Variants in EIF2B2 observed in about 807,000 individuals in gnomAD.
The protein encoded by EIF2B2 is eukaryotic translation initiation factor 2B subunit beta, also known as translation initiation factor eIF2B subunit beta.
A neutral mutation model predicts 34.7 loss-of-function variants in EIF2B2; 34 were observed. The observed-to-expected ratio is 0.98, with a 90% CI of 0.75 to 1.31. The LOEUF (loss-of-function observed/expected upper bound fraction) is 1.31. Among genes scored for constraint, EIF2B2 ranks in the 50% most tolerant of loss-of-function variants. EIF2B2 has a pLI of 0.00. For missense variants in EIF2B2, 361 were observed against 447.7 expected (o/e 0.81, Z 1.75); for synonymous variants, 155 against 171.6 (o/e 0.90, Z 0.76).
chr14:75,008,212 C>A (rs887637287), intron 7 of EIF2B2: 2 of 245,962 alleles, frequency 8.1e-6, no homozygotes, highest in African/African-American at 4.6e-5. Flanking sequence ...CCTGGATAGT[C>A]TCATGTCTTG....
chr14:75,009,488 G>A lies in EIF2B2; in HGVS notation c.*300G>A, dbSNP rs1889675395. 4.9e-6 allele frequency: 2 copies of A among 412,242 alleles called. No homozygotes were observed. The highest frequency in any genetic ancestry group is 4.3e-5 in the South Asian group (2 of 46,552). The allele number at this position is 412,242 out of a possible 1,614,324, so 25.5% of individuals were successfully genotyped here. A position where few individuals can be genotyped will look rare whatever the true frequency, so the allele number is the denominator to read the frequency against. ...CTTAAACTTTCTGGTTCAGTAGTGT[G>A]TTAAACATAACACTGAATACCTTAC... On this transcript the variant is annotated 3_prime_UTR_variant, in exon 8 of 8. Coordinates refer to ENST00000266126, the MANE Select transcript of EIF2B2 (RefSeq NM_014239.4).
rs976260927 is a variant in EIF2B2, at chr14:75,003,148, A to G, written c.158A>G (p.Asn53Ser). 2.5e-6 allele frequency: 4 copies of G among 1,613,188 alleles called. No homozygotes were observed. Among genetic ancestry groups the G allele is most frequent in the Non-Finnish European group, 1.7e-6 (2 of 1,179,924 alleles). The change falls in exon 1 of 8, where the codon AAC becomes AGC. Residue 53 changes from asparagine (N) to serine (S), a missense_variant. Asn to Ser is a conservative substitution (Grantham distance 46). Transcript: ENST00000266126. ...ATCATCACGGACCACCGCTGGAGCA[A>G]CGCGGGTGAGGCCGGCCTGCCTCCG... Reference protein sequence around the residue: ...RQIITDHRWSNAGELMELIRR... With the variant: ...RQIITDHRWSSAGELMELIRR...
intron 3 of EIF2B2, among the ~76,000 whole-genome samples, chr14:75,003,946 C>G (rs1008154051): frequency 2.4e-4 from 36 of 152,300 alleles, no homozygotes; most frequent in African/African-American, 8.4e-4. Context: ...TCTATTAGGA[C>G]AGAGTTTTAT....
In EIF2B2 at chr14:75,011,996, A is replaced by C. The variant is rs1443884114; in HGVS notation, c.*2808A>C. The stretch of plus-strand genomic sequence containing the variant: ...GAAGCTCTCTTTCTGGTCAGCTCTT[A>C]CAGTGCCTAGAACAGAACTGCAGGA... On this transcript the variant is annotated 3_prime_UTR_variant, in exon 8 of 8. Transcript: ENST00000266126. The C allele has an allele frequency of 6.6e-6, 1 of 152,256 alleles. No homozygotes were observed. The highest frequency in any genetic ancestry group is 1.9e-4 in the East Asian group (1 of 5,204). 9.4% of individuals were successfully genotyped at this position (152,256 alleles called of 1,614,324 possible).
rs1281936730 is a variant in EIF2B2, at chr14:75,006,820, C to A, written c.831+106C>A. 2 of 1,479,722 alleles carry A rather than the reference C, an allele frequency of 1.4e-6. No individual in the cohort carries two copies. The highest frequency in any genetic ancestry group is 1.9e-6 in the Non-Finnish European group (2 of 1,068,128). The allele number at this position is 1,479,722 out of a possible 1,614,324, so 91.7% of individuals were successfully genotyped here. ...ACCTCACTCCAGGGCCTCCATTTAT[C>A]TGCATTTACTCAATGGATTACACCC... On this transcript the variant is annotated intron_variant, in intron 6 of 7. Transcript: ENST00000266126. The surrounding 1 kb of genome is among the most constrained non-coding windows in gnomAD (Gnocchi z 4.1).
rs753454455 is a variant in EIF2B2, at chr14:75,004,787, A to G, written c.484A>G (p.Asn162Asp). 27 of 1,603,644 alleles carry G rather than the reference A, an allele frequency of 1.7e-5. No homozygotes were observed. The highest frequency in any genetic ancestry group is 2.2e-5 in the Non-Finnish European group (26 of 1,178,186). Residue 162 changes from asparagine (N) to aspartate (D), a missense_variant, in exon 4 of 8, where the codon AAT becomes GAT. By Grantham distance (23) the Asn-to-Asp change is conservative. Transcript: ENST00000266126. ...CCAGGCTCTGGAGCACATTCACTCC[A>G]ATGAGGTGATCATGACCATTGGCTT... ...AAQALEHIHSNEVIMTIGFSR... is the reference protein window; with the variant it reads ...AAQALEHIHSDEVIMTIGFSR...
In EIF2B2 at chr14:75,003,086, G is replaced by A. The variant is rs146228503; in HGVS notation, c.96G>A (p.Glu32=). ...LKRGGGPRSS[E]EMARETLGLL... ...GGGGTGGTGGGCCGCGCAGCTCCGA[G>A]GAAATGGCTCGGGAGACCCTAGGGT... Residue 32 remains glutamate (E), a synonymous_variant, in exon 1 of 8, where the codon GAG becomes GAA. Coordinates refer to ENST00000266126, the MANE Select transcript of EIF2B2 (RefSeq NM_014239.4). 82 of 1,613,938 alleles carry A rather than the reference G, an allele frequency of 5.1e-5. No homozygotes were observed. The highest frequency in any genetic ancestry group is 1.3e-5 in the African/African-American group (1 of 74,918).
rs1232642511 is a variant in EIF2B2 at position 75,009,690 on chromosome 14, A to G, written c.*502A>G. 2 of 207,988 alleles carry G rather than the reference A, an allele frequency of 9.6e-6. No homozygotes were observed. Among genetic ancestry groups the G allele is most frequent in the East Asian group, 1.2e-4 (1 of 8,558 alleles). The allele number at this position is 207,988 out of a possible 1,614,324, so 12.9% of individuals were successfully genotyped here. ...CATAGAGGGCTGTAGTTAGCGGGAA[A>G]AGTGTACAACATGGTAGTACTGGCC... On this transcript the variant is annotated 3_prime_UTR_variant, in exon 8 of 8. Transcript: ENST00000266126.
In EIF2B2 at chr14:75,003,141, T is replaced by C. The variant is rs777041434; in HGVS notation, c.151T>C (p.Trp51Arg). Residue 51 changes from tryptophan (W) to arginine (R), a missense_variant, in exon 1 of 8, where the codon TGG becomes CGG. Trp to Arg is a moderately radical substitution (Grantham distance 101). Transcript: ENST00000266126. ...LLRQIITDHR[W>R]SNAGELMELI... ...GCGCCAGATCATCACGGACCACCGC[T>C]GGAGCAACGCGGGTGAGGCCGGCCT... is the stretch of plus-strand genomic sequence containing the variant. 3 of 1,613,346 alleles carry C rather than the reference T, an allele frequency of 1.9e-6. No individual in the cohort carries two copies. The African/African-American group carries it at 4.0e-5, about 22-fold the overall frequency.
In EIF2B2 at chr14:75,003,271, G is replaced by A. The variant is rs1299120024; in HGVS notation, c.164-4G>A. ...CCTCTTATCCTCTCTCTTTTGGACT[G>A]TAGGGGAGCTGATGGAGCTGATCCG... On this transcript the variant is annotated splice_polypyrimidine_tract_variant and splice_region_variant and intron_variant, in intron 1 of 7. Transcript: ENST00000266126. 3.7e-6 allele frequency: 6 copies of A among 1,613,696 alleles called. No individual in the cohort carries two copies. The highest frequency in any genetic ancestry group is 5.1e-6 in the Non-Finnish European group (6 of 1,180,000).
chr14:75,007,991 T>C (rs1014506794), intron 7 of EIF2B2, among the ~76,000 whole-genome samples: 12 of 152,234 alleles, frequency 7.9e-5, no homozygotes, highest in Admixed American at 6.5e-4. Context: ...GTTAATTTGT[T>C]CTGAGACAAA....
chr14:75,006,388 AT>A lies in EIF2B2; in HGVS notation c.694-187del, dbSNP rs1328607276. 1.2e-5 allele frequency: 9 copies of A among 780,542 alleles called. No homozygotes were observed. The highest frequency in any genetic ancestry group is 1.1e-4 in the Admixed American group (4 of 36,812). 48.4% of individuals were successfully genotyped at this position (780,542 alleles called of 1,614,324 possible). Reference sequence around the variant, plus strand: ...TTTGCAGTTTCTTGTCCCATTTTACATTCATTCTTTCCTTGGAAACCTACTT... The same window carrying A: ...TTTGCAGTTTCTTGTCCCATTTTACATCATTCTTTCCTTGGAAACCTACTT... On this transcript the variant is annotated intron_variant, in intron 5 of 7. Coordinates refer to ENST00000266126, the MANE Select transcript of EIF2B2 (RefSeq NM_014239.4). This position sits in a 1 kb window ranked among gnomAD's most constrained non-coding sequence, Gnocchi z 4.1.
rs377356154 is a variant in EIF2B2 at position 75,003,161 on chromosome 14, C to T, written c.163+8C>T. 6 of 1,613,176 alleles carry T rather than the reference C, an allele frequency of 3.7e-6. No homozygotes were observed. The African/African-American group carries it at 8.0e-5, about 22-fold the overall frequency. On this transcript the variant is annotated splice_region_variant and intron_variant, in intron 1 of 7. Coordinates refer to ENST00000266126, the MANE Select transcript of EIF2B2 (RefSeq NM_014239.4). The stretch of plus-strand genomic sequence containing the variant: ...ACCGCTGGAGCAACGCGGGTGAGGC[C>T]GGCCTGCCTCCGCCGGCGAACCTGG...
rs1889622207 is a variant in EIF2B2, at chr14:75,006,030, C to T, written c.693+69C>T. The T allele has an allele frequency of 8.1e-7, 1 of 1,238,658 alleles. No individual in the cohort carries two copies. Among genetic ancestry groups the T allele is most frequent in the East Asian group, 2.4e-5 (1 of 42,368 alleles). The allele number at this position is 1,238,658 out of a possible 1,614,324, so 76.7% of individuals were successfully genotyped here. On this transcript the variant is annotated intron_variant, in intron 5 of 7. Coordinates refer to ENST00000266126, the MANE Select transcript of EIF2B2 (RefSeq NM_014239.4). This position sits in a 1 kb window ranked among gnomAD's most constrained non-coding sequence, Gnocchi z 4.1. ...TCTAAAATATTGATTTTTATCTCCT[C>T]CTGTAATATCCACGGTGAGAGAATA...
chr14:75,011,549 C>A lies in EIF2B2; in HGVS notation c.*2361C>A, dbSNP rs936704560. On this transcript the variant is annotated 3_prime_UTR_variant, in exon 8 of 8. Coordinates refer to ENST00000266126, the MANE Select transcript of EIF2B2 (RefSeq NM_014239.4). Reference sequence around the variant, plus strand: ...GGGAAAGGTCTCTATTCTTTGATATCTCTTTGAGAGCGATCTTTGCCTTAG... The same window carrying A: ...GGGAAAGGTCTCTATTCTTTGATATATCTTTGAGAGCGATCTTTGCCTTAG... 2.6e-5 allele frequency: 4 copies of A among 152,182 alleles called. No homozygotes were observed. The highest frequency in any genetic ancestry group is 5.9e-5 in the Non-Finnish European group (4 of 68,040). The allele number at this position is 152,182 out of a possible 1,614,324, so 9.4% of individuals were successfully genotyped here.
chr14:75,008,551 C>T (rs1889660244), intron 7 of EIF2B2: 1 of 261,104 alleles, frequency 3.8e-6, no homozygotes, highest in Admixed American at 4.9e-5. Flanking sequence ...TGCCTGAGGA[C>T]AAGCAAGGCT....
At position 75,003,227 on chromosome 14, in the gene EIF2B2, G is replaced by T. The variant is rs771410713; in HGVS notation, c.164-48G>T. The T allele has an allele frequency of 1.9e-6, 3 of 1,613,286 alleles. No individual in the cohort carries two copies. In the South Asian group the frequency reaches 3.3e-5, roughly 18 times the overall value. On this transcript the variant is annotated intron_variant, in intron 1 of 7. Coordinates refer to ENST00000266126, the MANE Select transcript of EIF2B2 (RefSeq NM_014239.4). ...GATCCCAGGGCTGAAAATTTCCCAG[G>T]CCTCACTTCGCGTTGGCTCCTCTTA...
chr14:75,003,184 T>G, intron 1 of EIF2B2, 31 bp downstream of exon 1: 1 of 1,613,416 alleles, frequency 6.2e-7, no homozygotes, highest in Non-Finnish European at 8.5e-7. Flanking sequence ...CCGGCGAACC[T>G]GGCCCCTGTC....
In EIF2B2 at chr14:75,006,810, C is replaced by T. The variant is rs1304085825; in HGVS notation, c.831+96C>T. 2 of 1,522,000 alleles carry T rather than the reference C, an allele frequency of 1.3e-6. No individual in the cohort carries two copies. The highest frequency in any genetic ancestry group is 2.2e-5 in the East Asian group (1 of 44,448). The allele number at this position is 1,522,000 out of a possible 1,614,324, so 94.3% of individuals were successfully genotyped here. The stretch of plus-strand genomic sequence containing the variant: ...GACTTCAACCACCTCACTCCAGGGC[C>T]TCCATTTATCTGCATTTACTCAATG... On this transcript the variant is annotated intron_variant, in intron 6 of 7. Coordinates refer to ENST00000266126, the MANE Select transcript of EIF2B2 (RefSeq NM_014239.4). The surrounding 1 kb of genome is among the most constrained non-coding windows in gnomAD (Gnocchi z 4.1).
Sources: allele counts gnomAD v4.1 joint callset (sites outside exome capture counted in the v4.1 genomes callset), GRCh38; gene constraint gnomAD v4.1.1; non-coding constraint Gnocchi (gnomAD v3.1); transcripts MANE v1.5; gene names NCBI Gene and HGNC (gene_info 2026-07-23, HGNC 2026-07-21).